The following TSC22D2 variants were observed in gnomAD, a reference collection of about 807,000 sequenced individuals.
TSC22D2 encodes the protein TSC22 domain family member 2.
TSC22D2 carries 5 observed loss-of-function variants against 50.1 expected under a neutral mutation model. The ratio of observed to expected loss-of-function variants is 0.10; its 90% CI spans 0.05 to 0.21. The LOEUF (loss-of-function observed/expected upper bound fraction) is 0.21, where lower values mean the gene tolerates loss of function less well. TSC22D2 is among the 10% of genes least tolerant of loss of function. TSC22D2 has a pLI of 1.00. For missense variants in TSC22D2, 1,003 were observed against 1,015.5 expected, an observed-to-expected ratio of 0.99 and a Z score of 0.17; for synonymous variants, 501 against 450.1, an observed-to-expected ratio of 1.11 and a Z score of -1.43.
chr3:150,414,085 T>C (rs1054782965), intron 1 of TSC22D2, among the ~76,000 whole-genome samples: 1 of 152,192 alleles, frequency 6.6e-6, no homozygotes, highest in Non-Finnish European at 1.5e-5. Context: ...CCGGGCCTTA[T>C]AGTAATACAT....
At chr3:150,431,032 A>C (rs975850599) in intron 1 of TSC22D2, among the ~76,000 whole-genome samples, 1 of 151,776 alleles carries the variant, frequency 6.6e-6, no homozygotes, top group Non-Finnish European at 1.5e-5. Flanking sequence ...TATTTTAGGA[A>C]CCACTAACAA....
At chr3:150,419,634 C>T in intron 1 of TSC22D2, among the ~76,000 whole-genome samples, 2 of 151,770 alleles carry the variant, frequency 1.3e-5, no homozygotes, top group Non-Finnish European at 2.9e-5. Context: ...TTTTTTTCTC[C>T]CTGTTGTACT....
rs779149145 is a variant in TSC22D2, at chr3:150,410,878, C to T, written c.1528C>T (p.Pro510Ser). The T allele has an allele frequency of 3.2e-5, 52 of 1,613,974 alleles. No homozygotes were observed. Among genetic ancestry groups the T allele is most frequent in the Non-Finnish European group, 4.2e-5 (50 of 1,180,010 alleles). Residue 510 changes from proline to serine, a missense_variant, in exon 1 of 3, where the codon CCT becomes TCT. This residue lies in a region of TSC22D2 where 696 missense variants were observed against 647.8 expected (regional missense o/e 1.07). Transcript: ENST00000688009. Reference sequence around the variant, plus strand: ...CGTGGTGCCCGGAGTTCCAAACGTGCCTGCAGCCGTGCCCGCTCCAAGCGT... The same window carrying T: ...CGTGGTGCCCGGAGTTCCAAACGTGTCTGCAGCCGTGCCCGCTCCAAGCGT... ...HAVVPGVPNV[P>S]AAVPAPSVPS...
chr3:150,418,355 A>C (rs1034761964), intron 1 of TSC22D2, among the ~76,000 whole-genome samples: 1 of 151,996 alleles, frequency 6.6e-6, no homozygotes, highest in Admixed American at 6.6e-5. Context: ...ACAATTTGAG[A>C]CATCAGATCA....
chr3:150,464,591 A>G lies in TSC22D2; in HGVS notation c.*5955A>G, dbSNP rs1340618501. On this transcript the variant is annotated 3_prime_UTR_variant, in exon 3 of 3. Transcript: ENST00000688009. The stretch of plus-strand genomic sequence containing the variant: ...AAGTGCCATATTGTTTATTCAGAGT[A>G]TATGTTATAGTTTGTGAACCTTATA... The G allele has an allele frequency of 6.6e-6, 1 of 152,168 alleles. No homozygotes were observed. The highest frequency in any genetic ancestry group is 1.9e-4 in the East Asian group (1 of 5,202). 9.4% of individuals were successfully genotyped at this position (152,168 alleles called of 1,614,324 possible).
rs574284704 is a variant in TSC22D2 at position 150,463,026 on chromosome 3, T to A, written c.*4390T>A. 6.6e-6 allele frequency: 1 copy of A among 152,350 alleles called. No individual in the cohort carries two copies. The highest frequency in any genetic ancestry group is 2.4e-5 in the African/African-American group (1 of 41,586). 9.4% of individuals were successfully genotyped at this position (152,350 alleles called of 1,614,324 possible). A position where few individuals can be genotyped will look rare whatever the true frequency, so the allele number is the denominator to read the frequency against. On this transcript the variant is annotated 3_prime_UTR_variant, in exon 3 of 3. Coordinates refer to ENST00000688009, the MANE Select transcript of TSC22D2 (RefSeq NM_001303264.2). Reference sequence around the variant, plus strand: ...CTCGGTCTTTTCCTTCCAACAGTTATAAATCTGTGAAATGAAAGTCTTTGT... The same window carrying A: ...CTCGGTCTTTTCCTTCCAACAGTTAAAAATCTGTGAAATGAAAGTCTTTGT...
At chr3:150,422,992 T>C in intron 1 of TSC22D2, 9 of 1,249,218 alleles carry the variant, frequency 7.2e-6, no homozygotes, top group Non-Finnish European at 1.0e-5. Context: ...TTTTGAAAAG[T>C]AGTGATTATA....
intron 1 of TSC22D2, among the ~76,000 whole-genome samples, chr3:150,430,641 G>A (rs559061514): frequency 3.3e-5 from 5 of 152,182 alleles, no homozygotes; most frequent in African/African-American, 4.8e-5. Flanking sequence ...TTGGGGTGCA[G>A]CTGAGGCTGC....
chr3:150,429,338 A>T (rs746773775), intron 1 of TSC22D2, among the ~76,000 whole-genome samples: 4 of 152,120 alleles, frequency 2.6e-5, no homozygotes, highest in Non-Finnish European at 5.9e-5. Context: ...AAACTAGTGA[A>T]TTCTTCCTAC....
chr3:150,457,786 C>T (rs936964609), intron 2 of TSC22D2, among the ~76,000 whole-genome samples: 4 of 152,114 alleles, frequency 2.6e-5, no homozygotes, highest in Admixed American at 6.5e-5. Flanking sequence ...CAGGCACACA[C>T]CACCACATCT....
chr3:150,446,305 T>C (rs1354149064), intron 1 of TSC22D2, among the ~76,000 whole-genome samples: 1 of 152,088 alleles, frequency 6.6e-6, no homozygotes, highest in Non-Finnish European at 1.5e-5. Flanking sequence ...CAACTTTAAT[T>C]CTTCAGGGCC....
At chr3:150,430,575 T>A (rs1304644975) in intron 1 of TSC22D2, among the ~76,000 whole-genome samples, 1 of 152,200 alleles carries the variant, frequency 6.6e-6, no homozygotes, top group Non-Finnish European at 1.5e-5. Flanking sequence ...AGGTTTTTGT[T>A]TTTAGCTGTT....
chr3:150,424,531 T>C (rs1289559824), intron 1 of TSC22D2, among the ~76,000 whole-genome samples: 1 of 152,324 alleles, frequency 6.6e-6, no homozygotes, highest in African/African-American at 2.4e-5. Flanking sequence ...GAATATGATA[T>C]TGAAAGGTTT....
In TSC22D2 at chr3:150,460,043, A is replaced by AT. The variant is rs1721345141; in HGVS notation, c.*1409dup. ...AGCATCATTTTGTGTATACTAACAC[A>AT]TTAAGTGTATGTCAGAAATTGATGT... On this transcript the variant is annotated 3_prime_UTR_variant, in exon 3 of 3. Transcript: ENST00000688009. The AT allele has an allele frequency of 6.6e-6, 1 of 152,278 alleles. No individual in the cohort carries two copies. The highest frequency in any genetic ancestry group is 2.4e-5 in the African/African-American group (1 of 41,572). The allele number at this position is 152,278 out of a possible 1,614,324, so 9.4% of individuals were successfully genotyped here. A position where few individuals can be genotyped will look rare whatever the true frequency, so the allele number is the denominator to read the frequency against.
chr3:150,441,168 A>C (rs1350626272), intron 1 of TSC22D2, among the ~76,000 whole-genome samples: 1 of 151,922 alleles, frequency 6.6e-6, no homozygotes, highest in Admixed American at 6.6e-5. Flanking sequence ...TAGAATAAGA[A>C]TAATCATACT....
At position 150,410,039 on chromosome 3, in the gene TSC22D2, C is replaced by T; in HGVS notation, c.689C>T (p.Ala230Val). ...GGAGGGTCGGTGGTGGTAGTAGTGG[C>T]CTCCATGCAGGGGGCGCACGGGCCC... Reference protein sequence around the residue: ...ATGGSVVVVVASMQGAHGPES... With the variant: ...ATGGSVVVVVVSMQGAHGPES... Residue 230 changes from alanine to valine, a missense_variant, in exon 1 of 3, where the codon GCC (alanine) becomes GTC (valine). Physicochemically the swap from Ala to Val is moderately conservative, Grantham distance 64. Around this residue, in one of 6 missense-constraint regions of TSC22D2, gnomAD observed 696 missense variants for 647.8 expected, o/e 1.07. Transcript: ENST00000688009. 2 of 1,613,306 alleles carry T rather than the reference C, an allele frequency of 1.2e-6. No homozygotes were observed. Among genetic ancestry groups the T allele is most frequent in the Non-Finnish European group, 1.7e-6 (2 of 1,180,026 alleles).
chr3:150,433,482 A>G (rs1352563804), intron 1 of TSC22D2, among the ~76,000 whole-genome samples: 2 of 152,246 alleles, frequency 1.3e-5, no homozygotes, highest in Non-Finnish European at 2.9e-5. Context: ...ATCTTTCTGC[A>G]TATCTGCCTG....
chr3:150,438,235 A>G, intron 1 of TSC22D2: 1 of 427,690 alleles, frequency 2.3e-6, no homozygotes, highest in Non-Finnish European at 4.8e-6. Flanking sequence ...GAGGAATGTG[A>G]CATAATAATG....
chr3:150,419,327 ATTAC>A (rs1719929661), intron 1 of TSC22D2, among the ~76,000 whole-genome samples: 1 of 152,102 alleles, frequency 6.6e-6, no homozygotes. Context: ...AGTTTGTTTT[ATTAC>A]TTGGCACACA....
Sources: gnomAD v4.1 joint callset for allele counts (sites outside exome capture counted in the v4.1 genomes callset) on GRCh38, gnomAD v4.1.1 for gene constraint, gnomAD v4.1.1 regional missense constraint, MANE v1.5 for transcripts, NCBI Gene and HGNC (gene_info 2026-07-23, HGNC 2026-07-21) for gene names.